The following AGBL3 variants were observed in gnomAD, a reference collection of about 807,000 sequenced individuals.
AGBL3 encodes cytosolic carboxypeptidase 3.
In AGBL3, 68 loss-of-function variants were observed where a neutral mutation model predicts 94.5. The observed-to-expected ratio is 0.72, with a 90% CI of 0.59 to 0.88. The LOEUF is 0.88. Ranked by LOEUF, AGBL3 falls within the 40% of genes least tolerant of loss-of-function variation. The pLI, the probability that AGBL3 is intolerant of heterozygous loss-of-function variation, is 0.00. For synonymous variants in AGBL3, 354 were observed against 370.7 expected (o/e 0.95, Z 0.52); for missense variants, 934 against 1,103.8 (o/e 0.85, Z 2.18).
At chr7:134,994,460 C>T (rs887359328) in intron 4 of AGBL3, among the ~76,000 whole-genome samples, 6 of 152,142 alleles carry the variant, frequency 3.9e-5, no homozygotes, top group Admixed American at 3.9e-4. Context: ...ATAGCCTCAT[C>T]TCTCCAATCC....
intron 5 of AGBL3, among the ~76,000 whole-genome samples, chr7:135,024,499 A>G (rs1027160875): frequency 6.6e-6 from 1 of 152,226 alleles, no homozygotes; most frequent in Non-Finnish European, 1.5e-5. Flanking sequence ...CCAACTGACT[A>G]TACTCAACTT....
chr7:135,069,144 T>A (rs955380830), intron 12 of AGBL3, among the ~76,000 whole-genome samples: 10 of 152,092 alleles, frequency 6.6e-5, no homozygotes, highest in African/African-American at 2.2e-4. Flanking sequence ...CATTACATAA[T>A]GGTAAAGGGA....
rs373389056 is a variant in AGBL3 at position 135,132,803 on chromosome 7, T to C, written c.2343-2038T>C. On this transcript the variant is annotated intron_variant, in intron 16 of 16. Transcript: ENST00000436302. The stretch of plus-strand genomic sequence containing the variant: ...CAAGATTGCGAGGCCTCCCCAGCCA[T>C]GTGGAACTGTGAGTCAATTAAACCT... Among the ~76,000 whole-genome samples the C allele has an allele frequency of 5.3e-5, 8 of 152,312 alleles. No individual in the cohort carries two copies. The East Asian group carries it at 1.4e-3, about 26-fold the overall frequency.
chr7:135,074,747 C>A (rs971702214), intron 12 of AGBL3, among the ~76,000 whole-genome samples: 1 of 152,088 alleles, frequency 6.6e-6, no homozygotes, highest in African/African-American at 2.4e-5. Context: ...ATATTCATAC[C>A]CATGCCCACA....
At position 135,135,646 on chromosome 7, in the gene AGBL3, A is replaced by G. The variant is rs1317763409; in HGVS notation, c.*385A>G. 6.4e-6 allele frequency: 1 copy of G among 156,988 alleles called. No homozygotes were observed. Among genetic ancestry groups the G allele is most frequent in the African/African-American group, 2.4e-5 (1 of 41,590 alleles). 9.7% of individuals were successfully genotyped at this position (156,988 alleles called of 1,614,324 possible). On this transcript the variant is annotated 3_prime_UTR_variant, in exon 17 of 17. Transcript: ENST00000436302. ...ACCTCCCTACTAGACACTTTAATCA[A>G]TTAGTCAACAAACATCATTTCCTGA...
At chr7:135,050,095 G>A (rs768288046) in intron 11 of AGBL3, among the ~76,000 whole-genome samples, 1 of 151,574 alleles carries the variant, frequency 6.6e-6, no homozygotes, top group Non-Finnish European at 1.5e-5. Flanking sequence ...GGTATGTTAT[G>A]TTTTCATTTT....
At chr7:135,032,508 G>A (rs1815868638) in intron 5 of AGBL3, among the ~76,000 whole-genome samples, 1 of 150,748 alleles carries the variant, frequency 6.6e-6, no homozygotes. Flanking sequence ...GTAGAGACAG[G>A]CTTTCACCAT....
intron 4 of AGBL3, among the ~76,000 whole-genome samples, chr7:135,016,358 G>A (rs999322236): frequency 3.3e-5 from 5 of 151,864 alleles, no homozygotes; most frequent in Admixed American, 6.6e-5. Context: ...ATACACTTCT[G>A]TTGTTAAAGC....
At chr7:135,053,468 A>C (rs1818067112) in intron 11 of AGBL3, among the ~76,000 whole-genome samples, 1 of 152,140 alleles carries the variant, frequency 6.6e-6, no homozygotes, top group African/African-American at 2.4e-5. Context: ...TTAGCCAGGC[A>C]TGGTGGTACA....
chr7:135,066,172 T>C (rs1169966206), intron 12 of AGBL3, among the ~76,000 whole-genome samples: 1 of 152,160 alleles, frequency 6.6e-6, no homozygotes. Context: ...AGAAAATATT[T>C]AATAGCAGGA....
intron 15 of AGBL3, among the ~76,000 whole-genome samples, chr7:135,107,687 T>C (rs1481465545): frequency 6.6e-6 from 1 of 152,240 alleles, no homozygotes; most frequent in Non-Finnish European, 1.5e-5. Context: ...AGAATGTATA[T>C]TCTGTTGATT....
chr7:135,045,220 T>C (rs1279561191), intron 9 of AGBL3, among the ~76,000 whole-genome samples: 2 of 152,130 alleles, frequency 1.3e-5, no homozygotes, highest in Non-Finnish European at 2.9e-5. Flanking sequence ...AACCAAATAT[T>C]CTATAACTGT....
chr7:135,116,034 A>G (rs187795213), intron 16 of AGBL3, among the ~76,000 whole-genome samples: 3 of 152,230 alleles, frequency 2.0e-5, no homozygotes, highest in African/African-American at 7.2e-5. Context: ...AAGATAAAAA[A>G]CAGAACTACC....
chr7:134,991,681 G>A (rs1810304795), intron 3 of AGBL3, among the ~76,000 whole-genome samples: 1 of 152,058 alleles, frequency 6.6e-6, no homozygotes, highest in African/African-American at 2.4e-5. Context: ...CACATAGTAG[G>A]TAATCACTAA....
chr7:135,033,096 AT>A lies in AGBL3; in HGVS notation c.557+115del, dbSNP rs1815943370. 5.8e-6 allele frequency: 6 copies of A among 1,041,780 alleles called. No homozygotes were observed. The Admixed American group carries it at 2.0e-4, about 35-fold the overall frequency. The allele number at this position is 1,041,780 out of a possible 1,614,324, so 64.5% of individuals were successfully genotyped here. A position where few individuals can be genotyped will look rare whatever the true frequency, so the allele number is the denominator to read the frequency against. Reference sequence around the variant, plus strand: ...GAAACTGTAATTCCTTGAAGTATGGATACTATTAATAATTAGAAATTGTTGT... The same window carrying A: ...GAAACTGTAATTCCTTGAAGTATGGAACTATTAATAATTAGAAATTGTTGT... On this transcript the variant is annotated intron_variant, in intron 6 of 16. Coordinates refer to ENST00000436302, the MANE Select transcript of AGBL3 (RefSeq NM_178563.4).
chr7:135,129,138 T>C, intron 16 of AGBL3: 1 of 1,509,826 alleles, frequency 6.6e-7, no homozygotes, highest in Admixed American at 1.7e-5. Flanking sequence ...ATTTGCCTAT[T>C]ATGACTGCCT....
rs139701366 is a variant in AGBL3, at chr7:135,101,793, C to A, written c.2111-13587C>A. Reference sequence around the variant, plus strand: ...ATTCCATCATGGTTGATATGGTTTGCCTGTGTCCCCACCCAAATCTCATCT... The same window carrying A: ...ATTCCATCATGGTTGATATGGTTTGACTGTGTCCCCACCCAAATCTCATCT... On this transcript the variant is annotated intron_variant, in intron 15 of 16. Transcript: ENST00000436302. Among the ~76,000 whole-genome samples, 1,063 of 152,272 alleles carry A rather than the reference C, an allele frequency of 7.0e-3. 15 individuals carry two copies. The highest frequency in any genetic ancestry group is 0.024 in the African/African-American group (1,013 of 41,550).
chr7:135,087,567 CT>C (rs1821430211), intron 15 of AGBL3, among the ~76,000 whole-genome samples: 1 of 151,602 alleles, frequency 6.6e-6, no homozygotes, highest in African/African-American at 2.4e-5. Context: ...TTTTAATTTC[CT>C]TTTTACTGTC....
intron 16 of AGBL3, chr7:135,129,614 T>G (rs1248263665): frequency 5.2e-6 from 4 of 775,424 alleles, no homozygotes; most frequent in Non-Finnish European, 9.6e-6. Context: ...TCACTGATCC[T>G]GCTTCAACAT....
Sources: gnomAD v4.1 joint callset for allele counts (sites outside exome capture counted in the v4.1 genomes callset) on GRCh38, gnomAD v4.1.1 for gene constraint, MANE v1.5 for transcripts, NCBI Gene and HGNC (gene_info 2026-07-23, HGNC 2026-07-21) for gene names.